The following NELL1 variants were observed in gnomAD, a reference collection of about 807,000 sequenced individuals.
NELL1 encodes the protein protein kinase C-binding protein NELL1.
In NELL1, 76 loss-of-function variants were observed where a neutral mutation model predicts 107.4. The observed-to-expected ratio is 0.71, with a 90% CI of 0.59 to 0.86. The LOEUF (loss-of-function observed/expected upper bound fraction) is 0.86. NELL1 is among the 40% of genes least tolerant of loss of function. The pLI is 0.00. For synonymous variants in NELL1, 353 were observed against 341.2 expected, an observed-to-expected ratio of 1.03 and a Z score of -0.38; for missense variants, 1,024 against 1,005.5, an observed-to-expected ratio of 1.02 and a Z score of -0.25.
In NELL1 at chr11:21,357,800, C is replaced by G. The variant is rs527789796; in HGVS notation, c.1550-13053C>G. On this transcript the variant is annotated intron_variant, in intron 14 of 19. Coordinates refer to ENST00000357134, the MANE Select transcript of NELL1 (RefSeq NM_006157.5). ...CAAGTCTTAGCTTTAAGTCTTTGAT[C>G]CATCTTGAGTTGATTTTTGTATAAG... Among the ~76,000 whole-genome samples the G allele has an allele frequency of 9.1e-4, 139 of 152,262 alleles. 1 individual carries two copies. Among genetic ancestry groups the G allele is most frequent in the Admixed American group, 1.6e-3 (24 of 15,282 alleles).
At chr11:21,152,317 T>C (rs978602143) in intron 13 of NELL1, among the ~76,000 whole-genome samples, 2 of 152,176 alleles carry the variant, frequency 1.3e-5, no homozygotes, top group Non-Finnish European at 2.9e-5. Flanking sequence ...CTGCCAACCT[T>C]TCCCAGCGTA....
intron 14 of NELL1, among the ~76,000 whole-genome samples, chr11:21,341,156 T>G (rs1318954230): frequency 6.6e-6 from 1 of 152,160 alleles, no homozygotes; most frequent in Non-Finnish European, 1.5e-5. Context: ...ATATGTCCTC[T>G]TCTTGAAAAC....
At chr11:21,102,557 A>G (rs1359485377) in intron 12 of NELL1, among the ~76,000 whole-genome samples, 1 of 152,160 alleles carries the variant, frequency 6.6e-6, no homozygotes, top group East Asian at 1.9e-4. Flanking sequence ...TACCTACTTC[A>G]AAGGGTTATT....
chr11:21,104,942 G>C (rs1049031771), intron 12 of NELL1, among the ~76,000 whole-genome samples: 6 of 152,060 alleles, frequency 3.9e-5, no homozygotes, highest in Non-Finnish European at 5.9e-5. Flanking sequence ...GTTCTTATAA[G>C]GGCACTAATC....
chr11:21,030,299 A>G (rs1445780817), intron 12 of NELL1, among the ~76,000 whole-genome samples: 1 of 152,160 alleles, frequency 6.6e-6, no homozygotes, highest in Non-Finnish European at 1.5e-5. Context: ...TTGAGAAGAT[A>G]TGATATATCT....
At chr11:21,209,890 A>T (rs781173621) in intron 13 of NELL1, among the ~76,000 whole-genome samples, 37 of 152,178 alleles carry the variant, frequency 2.4e-4, no homozygotes, top group Admixed American at 3.3e-4. Flanking sequence ...ATCATTACCC[A>T]TTCTGCTGAG....
rs1247038504 is a variant in NELL1 at position 20,947,429 on chromosome 11, T to C, written c.1165T>C (p.Cys389Arg). The C allele has an allele frequency of 6.2e-7, 1 of 1,613,750 alleles. No individual in the cohort carries two copies. The highest frequency in any genetic ancestry group is 8.5e-7 in the Non-Finnish European group (1 of 1,179,696). ...TCCTGAGAATCAGTGCTGCCGTGTC[T>C]GTAGAGGTAAGTGGGCTTGGTGGTG... Reference protein sequence around the residue: ...ILPENQCCRVCRGHNFCAEGP... With the variant: ...ILPENQCCRVRRGHNFCAEGP... The change falls in exon 11 of 20, where the codon TGT becomes CGT. Residue 389 changes from cysteine to arginine, a missense_variant. Physicochemically the swap from Cys to Arg is radical, Grantham distance 180 (BLOSUM62 -3). Transcript: ENST00000357134.
chr11:21,485,546 C>G (rs1854604085), intron 15 of NELL1, among the ~76,000 whole-genome samples: 1 of 151,734 alleles, frequency 6.6e-6, no homozygotes. Flanking sequence ...GTCGTACATT[C>G]CAAGTACAAA....
chr11:20,728,368 T>G (rs894073907), intron 2 of NELL1, among the ~76,000 whole-genome samples: 1 of 152,176 alleles, frequency 6.6e-6, no homozygotes, highest in Non-Finnish European at 1.5e-5. Flanking sequence ...GACTTAGTCA[T>G]AAATTCTTAC....
intron 5 of NELL1, among the ~76,000 whole-genome samples, chr11:20,901,763 A>T (rs895293386): frequency 6.6e-6 from 1 of 152,178 alleles, no homozygotes; most frequent in Admixed American, 6.5e-5. Flanking sequence ...CCAAGAGATC[A>T]GAATGGAGAG....
At chr11:21,361,442 T>G (rs1450420628) in intron 14 of NELL1, among the ~76,000 whole-genome samples, 4 of 152,100 alleles carry the variant, frequency 2.6e-5, no homozygotes, top group Non-Finnish European at 5.9e-5. Context: ...TGACATTAGA[T>G]AAACTAATGA....
At chr11:21,508,646 T>A (rs1030731393) in intron 15 of NELL1, among the ~76,000 whole-genome samples, 2 of 152,162 alleles carry the variant, frequency 1.3e-5, no homozygotes, top group African/African-American at 4.8e-5. Context: ...AAAAATATTG[T>A]GAACATGTTG....
At chr11:21,239,676 T>A (rs925872144) in intron 14 of NELL1, among the ~76,000 whole-genome samples, 2 of 152,016 alleles carry the variant, frequency 1.3e-5, no homozygotes, top group East Asian at 1.9e-4. Context: ...GTATCATTAC[T>A]TTTTTCTCCA....
chr11:21,096,433 C>A (rs955589909), intron 12 of NELL1, among the ~76,000 whole-genome samples: 2 of 152,196 alleles, frequency 1.3e-5, no homozygotes, highest in Non-Finnish European at 2.9e-5. Flanking sequence ...ATCAACTTTT[C>A]CAAAGACAGC....
chr11:20,669,728 C>A lies in NELL1; in HGVS notation c.5C>A (p.Pro2Gln), dbSNP rs1162842438. The A allele has an allele frequency of 1.9e-6, 3 of 1,613,376 alleles. No individual in the cohort carries two copies. Among genetic ancestry groups the A allele is most frequent in the Non-Finnish European group, 2.5e-6 (3 of 1,179,634 alleles). Reference protein sequence around the residue: MPMDLILVVWFC... With the variant: MQMDLILVVWFC... ...AGGCGGGGACCCTCGAGAGCGATGCCGATGGATTTGATTTTAGTTGTGTGG... is the reference window on the plus strand; with the variant it reads ...AGGCGGGGACCCTCGAGAGCGATGCAGATGGATTTGATTTTAGTTGTGTGG... The change falls in exon 1 of 20, where the codon CCG (proline) becomes CAG (glutamine). Residue 2 changes from proline (P) to glutamine (Q), a missense_variant. Transcript: ENST00000357134. This position sits in a 1 kb window ranked among gnomAD's most constrained non-coding sequence, Gnocchi z 4.4.
At chr11:21,357,769 A>G (rs571694737) in intron 14 of NELL1, among the ~76,000 whole-genome samples, 9 of 152,158 alleles carry the variant, frequency 5.9e-5, no homozygotes, top group Non-Finnish European at 1.3e-4. Flanking sequence ...TAGAATTTTT[A>G]GGTTTCAAGT....
intron 15 of NELL1, among the ~76,000 whole-genome samples, chr11:21,519,915 A>T (rs1855675225): frequency 6.6e-6 from 1 of 152,166 alleles, no homozygotes; most frequent in Admixed American, 6.5e-5. Context: ...GGTATCTTTC[A>T]TACATAGTTC....
At chr11:20,716,458 G>T (rs1855252568) in intron 2 of NELL1, among the ~76,000 whole-genome samples, 1 of 152,108 alleles carries the variant, frequency 6.6e-6, no homozygotes, top group African/African-American at 2.4e-5. Context: ...AAAAATAATT[G>T]CAAAATAAAT....
At chr11:21,561,794 A>G (rs1365794315) in intron 17 of NELL1, among the ~76,000 whole-genome samples, 1 of 152,080 alleles carries the variant, frequency 6.6e-6, no homozygotes, top group Non-Finnish European at 1.5e-5. Context: ...GTGACTGGTG[A>G]GACATTCCTT....
Sources: allele counts gnomAD v4.1 joint callset (sites outside exome capture counted in the v4.1 genomes callset), GRCh38; gene constraint gnomAD v4.1.1; non-coding constraint Gnocchi (gnomAD v3.1); transcripts MANE v1.5; gene names NCBI Gene and HGNC (gene_info 2026-07-23, HGNC 2026-07-21).